Variants in CEACAM3 observed in about 807,000 individuals in gnomAD.
CEACAM3 encodes CEA cell adhesion molecule 3.
Under a neutral mutation model 30.1 loss-of-function variants are expected in CEACAM3, and 32 were observed. That is an observed-to-expected ratio of 1.06 (90% CI 0.80 to 1.43). The LOEUF is 1.43. Among genes scored for constraint, CEACAM3 ranks in the 40% most tolerant of loss-of-function variants. CEACAM3 has a pLI of 0.00. For synonymous variants in CEACAM3, 134 were observed against 127.2 expected, an observed-to-expected ratio of 1.05 and a Z score of -0.36; for missense variants, 290 against 316.3, an observed-to-expected ratio of 0.92 and a Z score of 0.63.
chr19:41,804,475 C>A (rs1350537772), intron 2 of CEACAM3, among the ~76,000 whole-genome samples: 17 of 152,204 alleles, frequency 1.1e-4, no homozygotes, highest in Admixed American at 1.1e-3. Flanking sequence ...TTTTGCCTAA[C>A]TCTGCACAGG....
chr19:41,802,111 C>T (rs7251960), intron 2 of CEACAM3, among the ~76,000 whole-genome samples: 76,070 of 151,990 alleles, frequency 0.5, 21,483 homozygotes, highest in Middle Eastern at 0.71. Flanking sequence ...CATCTTAATC[C>T]TTGCAAAAGT....
At chr19:41,806,985 C>A in intron 2 of CEACAM3, 8 of 1,521,270 alleles carry the variant, frequency 5.3e-6, no homozygotes, top group Non-Finnish European at 7.1e-6. Context: ...CCGCACCCGG[C>A]CTTGTCTTGG....
chr19:41,808,170 C>T (rs868936243), intron 2 of CEACAM3, among the ~76,000 whole-genome samples: 7 of 152,348 alleles, frequency 4.6e-5, no homozygotes, highest in Middle Eastern at 6.8e-3. Flanking sequence ...CTCACTCCAC[C>T]TCTGCAGGAC....
rs149073935 is a variant in CEACAM3, at chr19:41,810,861, C to T, written c.657C>T (p.Pro219=). 6.2e-7 allele frequency: 1 copy of T among 1,613,528 alleles called. No homozygotes were observed. Among genetic ancestry groups the T allele is most frequent in the Non-Finnish European group, 8.5e-7 (1 of 1,179,736 alleles). The change falls in exon 6 of 7, where the codon CCC becomes CCT. Residue 219 remains proline (P), a synonymous_variant. Coordinates refer to ENST00000357396, the MANE Select transcript of CEACAM3 (RefSeq NM_001815.5). ...CCCCTCTCTCCACTGCCCAGGCCCCCCTACCCAACCCCAGGACAGCAGCTT... is the reference window on the plus strand; with the variant it reads ...CCCCTCTCTCCACTGCCCAGGCCCCTCTACCCAACCCCAGGACAGCAGCTT... The part of the protein sequence containing the change: ...SMSPLSTAQA[P]LPNPRTAASI...
chr19:41,803,416 T>TTGTGTG lies in CEACAM3; in HGVS notation c.425-5393_425-5388dup, dbSNP rs1555826235. ...ACTTCCAAAACTGAACAGCAAAGTT[T>TTGTGTG]TGTGTGTGTATGTGTGTGTGTGTGT... On this transcript the variant is annotated intron_variant, in intron 2 of 6. Coordinates refer to ENST00000357396, the MANE Select transcript of CEACAM3 (RefSeq NM_001815.5). Among the ~76,000 whole-genome samples the TTGTGTG allele has an allele frequency of 4.0e-4, 52 of 129,350 alleles. 1 individual carries two copies. Among genetic ancestry groups the TTGTGTG allele is most frequent in the African/African-American group, 1.3e-3 (48 of 37,346 alleles). The allele number at this position is 129,350 out of a possible 152,430, so 84.9% of individuals were successfully genotyped here.
chr19:41,809,527 C>A, intron 3 of CEACAM3: 1 of 170,658 alleles, frequency 5.9e-6, no homozygotes, highest in Admixed American at 6.0e-5. Context: ...CCCATTTCAG[C>A]ATCACCAGCC....
At chr19:41,800,907 A>G (rs1197605052) in intron 2 of CEACAM3, among the ~76,000 whole-genome samples, 1 of 151,930 alleles carries the variant, frequency 6.6e-6, no homozygotes, top group African/African-American at 2.4e-5. Context: ...CTGTTCTTTT[A>G]TCTCTTTATC....
chr19:41,804,559 T>C (rs1305670899), intron 2 of CEACAM3, among the ~76,000 whole-genome samples: 3 of 152,212 alleles, frequency 2.0e-5, no homozygotes. Flanking sequence ...ATTTTTCTTT[T>C]CTGTGTATTA....
At chr19:41,806,908 C>A (rs2073205003) in intron 2 of CEACAM3, among the ~76,000 whole-genome samples, 1 of 152,112 alleles carries the variant, frequency 6.6e-6, no homozygotes, top group Non-Finnish European at 1.5e-5. Context: ...AGGATGGTCT[C>A]GATCTCGTGA....
chr19:41,810,806 C>T, intron 5 of CEACAM3, 26 bp from the exon 6 acceptor site: 5 of 1,599,836 alleles, frequency 3.1e-6, no homozygotes, highest in Non-Finnish European at 4.3e-6. Flanking sequence ...GGCTGGGCCT[C>T]CATGACCCTC....
At chr19:41,801,712 T>C (rs1405525509) in intron 2 of CEACAM3, among the ~76,000 whole-genome samples, 2 of 152,112 alleles carry the variant, frequency 1.3e-5, no homozygotes, top group Non-Finnish European at 2.9e-5. Context: ...TGAAACTGCC[T>C]CTGAGTGGGG....
rs185355141 is a variant in CEACAM3, at chr19:41,803,799, G to A, written c.425-5014G>A. ...CAAAGCTTTAAAAGAGTGGGAAAAG[G>A]CCGGGCGTGGTTGTTCATGCTTGTA... On this transcript the variant is annotated intron_variant, in intron 2 of 6. Transcript: ENST00000357396. Among the ~76,000 whole-genome samples the A allele has an allele frequency of 4.2e-4, 64 of 152,192 alleles. 2 individuals carry two copies. Among genetic ancestry groups the A allele is most frequent in the East Asian group, 2.3e-3 (12 of 5,124 alleles).
At chr19:41,808,455 C>A (rs1443956405) in intron 2 of CEACAM3, among the ~76,000 whole-genome samples, 8 of 152,192 alleles carry the variant, frequency 5.3e-5, no homozygotes, top group African/African-American at 1.9e-4. Flanking sequence ...CCCTGCTTAT[C>A]AGCATTGAGT....
At chr19:41,803,848 G>A (rs2123005559) in intron 2 of CEACAM3, among the ~76,000 whole-genome samples, 1 of 152,254 alleles carries the variant, frequency 6.6e-6, no homozygotes, top group South Asian at 2.1e-4. Context: ...GGGAGGCTGA[G>A]GCGGGTGGAT....
intron 4 of CEACAM3, 148 bp downstream of exon 4, chr19:41,810,165 T>C (rs734109): frequency 0.6 from 754,007 of 1,248,928 alleles, 231,651 homozygotes; most frequent in Middle Eastern, 0.75. Flanking sequence ...GGGACCCCAA[T>C]TGCTTGGGTC....
At chr19:41,800,164 C>A (rs947217304) in intron 2 of CEACAM3, among the ~76,000 whole-genome samples, 20 of 152,118 alleles carry the variant, frequency 1.3e-4, no homozygotes, top group Non-Finnish European at 2.2e-4. Flanking sequence ...TTATAATAAT[C>A]CTCGCTCTAT....
intron 2 of CEACAM3, among the ~76,000 whole-genome samples, chr19:41,799,190 C>T (rs2073127474): frequency 6.6e-6 from 1 of 152,158 alleles, no homozygotes; most frequent in Admixed American, 6.5e-5. Flanking sequence ...GAGGTGAGGC[C>T]TGGTGGGAGG....
Position 41,797,772 on chromosome 19 carries a change from T to C in CEACAM3, c.248T>C (p.Val83Ala), listed in dbSNP as rs61737019. 9,308 of 1,604,990 alleles carry C rather than the reference T, an allele frequency of 5.8e-3. 761 individuals carry two copies. The African/African-American group carries it at 0.11, about 19-fold the overall frequency. The part of the protein sequence containing the change: ...VDGNSLIVGY[V>A]IGTQQATPGA... ...GGCAACAGTCTAATTGTAGGATATG[T>C]AATAGGAACTCAACAAGCTACCCCA... The change falls in exon 2 of 7, where the codon GTA (valine) becomes GCA (alanine). Residue 83 changes from valine to alanine, a missense_variant. Physicochemically the swap from Val to Ala is moderately conservative, Grantham distance 64. Transcript: ENST00000357396.
chr19:41,809,677 G>T (rs1555827309), intron 3 of CEACAM3: 4 of 337,280 alleles, frequency 1.2e-5, no homozygotes, highest in Non-Finnish European at 2.2e-5. Flanking sequence ...AACCCTCGTG[G>T]TCTGTTTCCT....
Sources: allele counts gnomAD v4.1 joint callset (sites outside exome capture counted in the v4.1 genomes callset), GRCh38; gene constraint gnomAD v4.1.1; transcripts MANE v1.5; gene names NCBI Gene and HGNC (gene_info 2026-07-23, HGNC 2026-07-21).